The following HTR1E variants were observed in gnomAD, a reference collection of about 807,000 sequenced individuals.
The protein encoded by HTR1E is 5-hydroxytryptamine receptor 1E.
Under a neutral mutation model 3.4 loss-of-function variants are expected in HTR1E, and 3 were observed. That is an observed-to-expected ratio of 0.89 (90% CI 0.41 to 2.31). The LOEUF (loss-of-function observed/expected upper bound fraction) is 2.31. Among genes scored for constraint, HTR1E ranks in the 30% most tolerant of loss-of-function variants. The probability of loss-of-function intolerance (pLI) is 0.05; values close to 1 mark genes in which losing one functional copy is unlikely to be tolerated. For synonymous variants in HTR1E, 170 were observed against 182.8 expected, an observed-to-expected ratio of 0.93 and a Z score of 0.56; for missense variants, 392 against 467.0, an observed-to-expected ratio of 0.84 and a Z score of 1.48.
intron 1 of HTR1E, among the ~76,000 whole-genome samples, chr6:86,978,320 C>T (rs1342860065): frequency 6.6e-6 from 1 of 152,138 alleles, no homozygotes; most frequent in Non-Finnish European, 1.5e-5. Context: ...GTTCTGGCTA[C>T]TGTTATATAG....
chr6:87,002,397 C>T (rs934003559), intron 1 of HTR1E, among the ~76,000 whole-genome samples: 2 of 152,210 alleles, frequency 1.3e-5, no homozygotes, highest in African/African-American at 4.8e-5. Context: ...AACAAAGTGT[C>T]CACAGTATGG....
chr6:86,998,429 T>A (rs1277735050), intron 1 of HTR1E, among the ~76,000 whole-genome samples: 1 of 152,150 alleles, frequency 6.6e-6, no homozygotes, highest in Non-Finnish European at 1.5e-5. Context: ...TTTGAAAGAA[T>A]CTATAAAATC....
chr6:86,957,188 G>C (rs981214084), intron 1 of HTR1E, among the ~76,000 whole-genome samples: 40 of 152,138 alleles, frequency 2.6e-4, no homozygotes, highest in Non-Finnish European at 1.2e-4. Flanking sequence ...GGGCATCTAG[G>C]CTCCAGCCCA....
intron 1 of HTR1E, among the ~76,000 whole-genome samples, chr6:86,989,140 C>T (rs1767838380): frequency 6.6e-6 from 1 of 152,130 alleles, no homozygotes; most frequent in Non-Finnish European, 1.5e-5. Flanking sequence ...GCCATCTGTT[C>T]TAAGGGATCC....
At chr6:87,014,257 A>T (rs1338725552) in intron 1 of HTR1E, among the ~76,000 whole-genome samples, 3 of 74,364 alleles carry the variant, frequency 4.0e-5, no homozygotes, top group Admixed American at 1.3e-4. Context: ...CTTAAAGTAT[A>T]ATAATAATAA....
intron 1 of HTR1E, among the ~76,000 whole-genome samples, chr6:87,001,505 C>T (rs1768023596): frequency 6.6e-6 from 1 of 152,094 alleles, no homozygotes; most frequent in Admixed American, 6.6e-5. Context: ...ATGAGTATTG[C>T]CAAGGAAGAA....
intron 1 of HTR1E, among the ~76,000 whole-genome samples, chr6:86,973,744 A>G (rs187376958): frequency 2.4e-4 from 37 of 152,294 alleles, no homozygotes; most frequent in Admixed American, 1.7e-3. Context: ...AACATGCAAT[A>G]ATGTTACCTG....
intron 1 of HTR1E, among the ~76,000 whole-genome samples, chr6:87,012,852 T>C (rs1398046785): frequency 6.6e-6 from 1 of 152,198 alleles, no homozygotes; most frequent in Admixed American, 6.5e-5. Context: ...TTAAAGAACA[T>C]GCTTAGGATT....
At chr6:86,949,681 G>A (rs903880251) in intron 1 of HTR1E, among the ~76,000 whole-genome samples, 1 of 151,910 alleles carries the variant, frequency 6.6e-6, no homozygotes, top group Non-Finnish European at 1.5e-5. Flanking sequence ...ATCACAACTT[G>A]TAACTAAAAA....
intron 1 of HTR1E, among the ~76,000 whole-genome samples, chr6:86,957,686 A>C (rs1767345531): frequency 6.6e-6 from 1 of 152,234 alleles, no homozygotes; most frequent in Non-Finnish European, 1.5e-5. Context: ...TTGTTTTACA[A>C]TTTCTTACAA....
At chr6:86,985,277 A>G (rs1388584687) in intron 1 of HTR1E, among the ~76,000 whole-genome samples, 1 of 152,100 alleles carries the variant, frequency 6.6e-6, no homozygotes, top group East Asian at 1.9e-4. Context: ...TAGAGACAGA[A>G]AAAAAAAGAA....
intron 1 of HTR1E, among the ~76,000 whole-genome samples, chr6:87,007,633 T>A (rs1341717963): frequency 3.3e-5 from 5 of 152,142 alleles, no homozygotes; most frequent in Non-Finnish European, 7.3e-5. Context: ...AATTTAAAAT[T>A]TTTAAAAATT....
chr6:87,001,889 G>A (rs1278915575), intron 1 of HTR1E, among the ~76,000 whole-genome samples: 3 of 151,986 alleles, frequency 2.0e-5, no homozygotes, highest in Non-Finnish European at 4.4e-5. Context: ...TCATCTATAA[G>A]GATGCATACA....
intron 1 of HTR1E, among the ~76,000 whole-genome samples, chr6:87,010,820 C>T (rs1374860060): frequency 1.3e-5 from 2 of 151,728 alleles, no homozygotes; most frequent in Admixed American, 6.5e-5. Flanking sequence ...CCTCGGGCCC[C>T]GCGGGGCCCG....
chr6:86,979,792 G>T (rs1214892137), intron 1 of HTR1E, among the ~76,000 whole-genome samples: 1 of 152,152 alleles, frequency 6.6e-6, no homozygotes, highest in Non-Finnish European at 1.5e-5. Context: ...AAGCCACAGG[G>T]ATGGTGAAAG....
At chr6:86,946,544 T>C (rs1768619003) in intron 1 of HTR1E, among the ~76,000 whole-genome samples, 2 of 152,216 alleles carry the variant, frequency 1.3e-5, no homozygotes, top group Non-Finnish European at 2.9e-5. Context: ...CATGGCTATA[T>C]ATAAAATTAT....
intron 1 of HTR1E, among the ~76,000 whole-genome samples, chr6:86,966,563 T>A (rs1299296492): frequency 6.6e-6 from 1 of 152,072 alleles, no homozygotes; most frequent in Non-Finnish European, 1.5e-5. Context: ...TGAGATTGAA[T>A]CTCCTCCTGT....
At chr6:86,985,198 G>A (rs1407456419) in intron 1 of HTR1E, among the ~76,000 whole-genome samples, 1 of 152,130 alleles carries the variant, frequency 6.6e-6, no homozygotes, top group Admixed American at 6.5e-5. Flanking sequence ...AGACAGGCCT[G>A]AGCAGTGCTG....
At position 87,009,915 on chromosome 6, in the gene HTR1E, G is replaced by A. The variant is rs1320156518; in HGVS notation, c.-185-5235G>A. Among the ~76,000 whole-genome samples the A allele has an allele frequency of 8.3e-3, 995 of 120,216 alleles. 5 individuals are homozygous for A. The highest frequency in any genetic ancestry group is 0.014 in the Non-Finnish European group (788 of 58,260). 78.9% of individuals were successfully genotyped at this position (120,216 alleles called of 152,430 possible). On this transcript the variant is annotated intron_variant, in intron 1 of 1. Coordinates refer to ENST00000305344, the MANE Select transcript of HTR1E (RefSeq NM_000865.3). ...TCCCCACCTCCCTCCCGGACGGGGC[G>A]GCTGGCCGGGCAGAGGGGCTCCTCA... is the stretch of plus-strand genomic sequence containing the variant.
Sources: allele counts gnomAD v4.1 joint callset (sites outside exome capture counted in the v4.1 genomes callset), GRCh38; gene constraint gnomAD v4.1.1; transcripts MANE v1.5; gene names NCBI Gene and HGNC (gene_info 2026-07-23, HGNC 2026-07-21).